Variants in PCDH19 observed in about 807,000 individuals in gnomAD.
PCDH19 encodes protocadherin-19.
PCDH19 carries 6 observed loss-of-function variants against 46.2 expected under a neutral mutation model. That is an observed-to-expected ratio of 0.13 (90% CI 0.07 to 0.26). PCDH19 has a LOEUF of 0.26. PCDH19 is among the 10% of genes least tolerant of loss of function. PCDH19 has a pLI of 1.00. For synonymous variants in PCDH19, 481 were observed against 415.7 expected, an observed-to-expected ratio of 1.16 and a Z score of -1.91; for missense variants, 740 against 972.3, an observed-to-expected ratio of 0.76 and a Z score of 3.18.
At chrX:100,391,433 C>T (rs1172637990) in intron 3 of PCDH19, among the ~76,000 whole-genome samples, 1 of 111,749 alleles carries the variant, frequency 8.9e-6, no homozygotes, top group Non-Finnish European at 1.9e-5. Flanking sequence ...ACACTCACAA[C>T]TCAGATTATA....
At chrX:100,308,167 C>G (rs765169627) in intron 5 of PCDH19, among the ~76,000 whole-genome samples, 60 of 111,654 alleles carry the variant, frequency 5.4e-4, no homozygotes, top group African/African-American at 2.0e-3. Context: ...GTCACCAAAA[C>G]AGCATGATAC....
intron 5 of PCDH19, among the ~76,000 whole-genome samples, chrX:100,337,636 G>A (rs1330758082): frequency 8.9e-6 from 1 of 112,120 alleles, no homozygotes; most frequent in East Asian, 2.8e-4. Flanking sequence ...AATCCAGAAA[G>A]CAGAGATTCC....
chrX:100,318,614 G>T (rs183604653), intron 5 of PCDH19, among the ~76,000 whole-genome samples: 5 of 112,212 alleles, frequency 4.5e-5, no homozygotes, highest in African/African-American at 1.3e-4. Flanking sequence ...TATTTGGAAA[G>T]AAAGAACAGG....
chrX:100,315,928 A>G (rs755860247), intron 5 of PCDH19, among the ~76,000 whole-genome samples: 1 of 111,645 alleles, frequency 9.0e-6, no homozygotes, highest in East Asian at 2.8e-4. Context: ...TCACCCCCCG[A>G]CTACAGTTGA....
chrX:100,340,914 T>G (rs1926234760), intron 5 of PCDH19, among the ~76,000 whole-genome samples: 1 of 112,111 alleles, frequency 8.9e-6, no homozygotes, highest in Non-Finnish European at 1.9e-5. Context: ...CTTTTAGCAG[T>G]AGGGCTTCCA....
intron 3 of PCDH19, among the ~76,000 whole-genome samples, chrX:100,387,542 A>G (rs1927749817): frequency 8.9e-6 from 1 of 111,826 alleles, no homozygotes. Context: ...GGGCACTGAA[A>G]AAAATATATT....
rs866080469 is a variant in PCDH19, at chrX:100,376,250, A to G, written c.2617-25546T>C. On this transcript the variant is annotated intron_variant, in intron 3 of 5. Coordinates refer to ENST00000373034, the MANE Select transcript of PCDH19 (RefSeq NM_001184880.2). ...AACTCCGTCTCAAAAAAAAAAAAAA[A>G]AAAAGAAAAGAAAAGAAAAAAGAAA... Among the ~76,000 whole-genome samples, 17 of 91,003 alleles carry G rather than the reference A, an allele frequency of 1.9e-4. No homozygotes were observed. The East Asian group carries it at 2.1e-3, about 11-fold the overall frequency. 79.0% of individuals were successfully genotyped at this position (91,003 alleles called of 115,157 possible). A position where few individuals can be genotyped will look rare whatever the true frequency, so the allele number is the denominator to read the frequency against.
intron 5 of PCDH19, among the ~76,000 whole-genome samples, chrX:100,322,856 T>TAA (rs1925544699): frequency 1.6e-5 from 1 of 61,675 alleles, no homozygotes; most frequent in Non-Finnish European, 3.1e-5. Context: ...TATATATATA[T>TAA]ATATATATAT....
At chrX:100,378,827 T>C (rs768434197) in intron 3 of PCDH19, among the ~76,000 whole-genome samples, 2 of 112,232 alleles carry the variant, frequency 1.8e-5, no homozygotes, top group Non-Finnish European at 3.8e-5. Flanking sequence ...CTTCTCTGAT[T>C]ATGTCATCGA....
At chrX:100,392,658 T>C (rs1167090616) in intron 3 of PCDH19, among the ~76,000 whole-genome samples, 1 of 111,497 alleles carries the variant, frequency 9.0e-6, no homozygotes, top group Non-Finnish European at 1.9e-5. Context: ...ATGAGTGCAG[T>C]GTGTCTGTGT....
intron 5 of PCDH19, among the ~76,000 whole-genome samples, chrX:100,312,893 G>A (rs888598250): frequency 9.0e-6 from 1 of 110,958 alleles, no homozygotes; most frequent in African/African-American, 3.3e-5. Flanking sequence ...AGTAGCAGAA[G>A]GCTCTCTGGT....
rs777851773 is a variant in PCDH19, at chrX:100,407,243, T to C, written c.1355A>G (p.His452Arg). ...LITDENDNHP[H>R]FSKPYYQVIV... ...GACCTGGTAGTAGGGCTTGGAAAAG[T>C]GCGGGTGGTTGTCATTTTCGTCAGT... Residue 452 changes from histidine (H) to arginine (R), a missense_variant, in exon 1 of 6, where the codon CAC (histidine) becomes CGC (arginine). Transcript: ENST00000373034. The C allele has an allele frequency of 1.5e-5, 18 of 1,211,467 alleles. No individual in the cohort carries two copies. The highest frequency in any genetic ancestry group is 6.5e-5 in the Admixed American group (3 of 46,057).
At position 100,410,138 on chromosome X, in the gene PCDH19, G is replaced by A. The variant is rs759779801; in HGVS notation, c.-1541C>T. 6 of 295,695 alleles carry A rather than the reference G, an allele frequency of 2.0e-5. No homozygotes were observed. The East Asian group carries it at 2.4e-4, about 12-fold the overall frequency. 24.4% of individuals were successfully genotyped at this position (295,695 alleles called of 1,213,427 possible). Reference sequence around the variant, plus strand: ...GGCCAGCGCCGGGCTAGGGACGCGGGTGCCAGTGCCTCCCGGGCAAGCCAG... The same window carrying A: ...GGCCAGCGCCGGGCTAGGGACGCGGATGCCAGTGCCTCCCGGGCAAGCCAG... On this transcript the variant is annotated 5_prime_UTR_variant, in exon 1 of 6. Transcript: ENST00000373034.
At position 100,408,076 on chromosome X, in the gene PCDH19, G is replaced by T; in HGVS notation, c.522C>A (p.Phe174Leu). 1 of 1,209,789 alleles carries T rather than the reference G, an allele frequency of 8.3e-7. No individual in the cohort carries two copies. Among genetic ancestry groups the T allele is most frequent in the Non-Finnish European group, 1.1e-6 (1 of 895,591 alleles). Residue 174 changes from phenylalanine (F) to leucine (L), a missense_variant, in exon 1 of 6, where the codon TTC becomes TTA. This residue lies in a region of PCDH19 where 48 missense variants were observed against 43.2 expected (regional missense o/e 1.11). Transcript: ENST00000373034. ...CGCCGCGCGTCTTGATCTCCAGGCC[G>T]AACAGCTCGTTGGGCGTGAGCTCGT... The part of the protein sequence containing the change: ...QTYELTPNEL[F>L]GLEIKTRGDG...
chrX:100,296,628 G>A lies in PCDH19; in HGVS notation c.3096C>T (p.Thr1032=), dbSNP rs779831035. ...VSDHPAEERP[T]LKGKRTVDVT... is the part of the protein sequence containing the mutation. Reference sequence around the variant, plus strand: ...CATCGACAGTCCTCTTGCCTTTCAGGGTAGGCCTCTCCTCAGCCGGGTGGT... The same window carrying A: ...CATCGACAGTCCTCTTGCCTTTCAGAGTAGGCCTCTCCTCAGCCGGGTGGT... The change falls in exon 6 of 6, where the codon ACC becomes ACT. Residue 1032 remains threonine, a synonymous_variant. Transcript: ENST00000373034. The A allele has an allele frequency of 2.5e-6, 3 of 1,211,408 alleles. No homozygotes were observed. Among genetic ancestry groups the A allele is most frequent in the Admixed American group, 2.2e-5 (1 of 46,024 alleles).
chrX:100,343,506 A>G (rs1047141304), intron 4 of PCDH19, among the ~76,000 whole-genome samples: 6 of 111,945 alleles, frequency 5.4e-5, no homozygotes, highest in African/African-American at 2.0e-4. Context: ...AAATCAATCT[A>G]CCATACAATG....
At chrX:100,373,614 C>A (rs1327498301) in intron 3 of PCDH19, among the ~76,000 whole-genome samples, 1 of 112,207 alleles carries the variant, frequency 8.9e-6, no homozygotes, top group African/African-American at 3.2e-5. Context: ...AAGAGCAAAA[C>A]CACCATCAGG....
At chrX:100,332,330 T>C (rs1186075342) in intron 5 of PCDH19, among the ~76,000 whole-genome samples, 1 of 111,381 alleles carries the variant, frequency 9.0e-6, no homozygotes, top group African/African-American at 3.3e-5. Flanking sequence ...GAGACCAGCC[T>C]GGCCAACGTG....
chrX:100,295,024 G>A lies in PCDH19; in HGVS notation c.*1253C>T, dbSNP rs989661281. The A allele has an allele frequency of 1.8e-5, 2 of 112,247 alleles. No individual in the cohort carries two copies. Among genetic ancestry groups the A allele is most frequent in the Non-Finnish European group, 3.8e-5 (2 of 53,185 alleles). 9.3% of individuals were successfully genotyped at this position (112,247 alleles called of 1,213,427 possible). On this transcript the variant is annotated 3_prime_UTR_variant, in exon 6 of 6. Coordinates refer to ENST00000373034, the MANE Select transcript of PCDH19 (RefSeq NM_001184880.2). ...TCTCCGTTTAGAAGGCACAGTAATT[G>A]GATTAGCGATGCTGTTACCTGTTAC...
Sources: gnomAD v4.1 joint callset for allele counts (sites outside exome capture counted in the v4.1 genomes callset) on GRCh38, gnomAD v4.1.1 for gene constraint, gnomAD v4.1.1 regional missense constraint, MANE v1.5 for transcripts, NCBI Gene and HGNC (gene_info 2026-07-23, HGNC 2026-07-21) for gene names.